The following SERPINE2 variants were observed in gnomAD, a reference collection of about 807,000 sequenced individuals.
SERPINE2 encodes the protein serpin family E member 2, also known as glia-derived nexin.
Under a neutral mutation model 36.3 loss-of-function variants are expected in SERPINE2, and 14 were observed. The observed-to-expected ratio is 0.39, with a 90% CI of 0.25 to 0.60. SERPINE2 has a LOEUF of 0.60. Ranked by LOEUF, SERPINE2 falls within the 20% of genes least tolerant of loss-of-function variation. The pLI is 0.57. For missense variants in SERPINE2, 418 were observed against 499.6 expected (o/e 0.84, Z 1.56); for synonymous variants, 192 against 191.8 (o/e 1.00, Z -0.01).
chr2:223,986,706 G>A (rs541204194), intron 4 of SERPINE2, among the ~76,000 whole-genome samples: 2 of 152,302 alleles, frequency 1.3e-5, no homozygotes, highest in South Asian at 4.1e-4. Flanking sequence ...ATAATGAAAA[G>A]TTATGAGCTG....
intron 8 of SERPINE2, among the ~76,000 whole-genome samples, chr2:223,976,705 G>A (rs970224306): frequency 6.6e-6 from 1 of 152,324 alleles, no homozygotes. Context: ...TAAGCAGTCA[G>A]CACTACTGTT....
At chr2:223,985,372 T>C (rs182799246) in intron 4 of SERPINE2, among the ~76,000 whole-genome samples, 59 of 151,714 alleles carry the variant, frequency 3.9e-4, no homozygotes, top group African/African-American at 1.3e-3. Context: ...GGGATACATA[T>C]AGATAGTAAA....
chr2:224,027,347 G>A (rs748801660), intron 1 of SERPINE2, among the ~76,000 whole-genome samples: 5 of 152,138 alleles, frequency 3.3e-5, no homozygotes, highest in Non-Finnish European at 5.9e-5. Flanking sequence ...CCCATGGCTC[G>A]CATGGGCATC....
chr2:224,033,412 C>T (rs758294858), intron 1 of SERPINE2, among the ~76,000 whole-genome samples: 3 of 151,952 alleles, frequency 2.0e-5, no homozygotes, highest in Non-Finnish European at 2.9e-5. Flanking sequence ...AATGCATTTA[C>T]GAAAAAATTT....
intron 1 of SERPINE2, among the ~76,000 whole-genome samples, chr2:224,005,098 A>ATAT (rs1559209284): frequency 3.5e-5 from 4 of 115,760 alleles, no homozygotes; most frequent in African/African-American, 1.6e-4. Context: ...TATATATATA[A>ATAT]AACATTGTAA....
rs186076365 is a variant in SERPINE2 at position 224,036,123 on chromosome 2, C to G, written c.-23+2976G>C. 9.3e-4 allele frequency among the ~76,000 whole-genome samples: 142 copies of G among 152,198 alleles called. 3 individuals are homozygous for G. In the Middle Eastern group the frequency reaches 0.037, roughly 40 times the overall value. Reference sequence around the variant, plus strand: ...GGGCACGGGTAAGCGCACCAGACTGCAGGTAACTGATTGGAACACAGGAGC... The same window carrying G: ...GGGCACGGGTAAGCGCACCAGACTGGAGGTAACTGATTGGAACACAGGAGC... On this transcript the variant is annotated intron_variant, in intron 1 of 8. Transcript: ENST00000409304.
intron 1 of SERPINE2, among the ~76,000 whole-genome samples, chr2:224,002,456 C>T (rs1427432267): frequency 6.6e-6 from 1 of 151,958 alleles, no homozygotes; most frequent in Non-Finnish European, 1.5e-5. Context: ...GTGCCAGGTC[C>T]TATACTAATC....
At chr2:224,002,658 A>AT (rs11418943) in intron 1 of SERPINE2, among the ~76,000 whole-genome samples, 33,364 of 116,476 alleles carry the variant, frequency 0.29, 5,891 homozygotes, top group African/African-American at 0.47. Context: ...TCGTCTGGCA[A>AT]TTTTTTTTTT....
intron 1 of SERPINE2, among the ~76,000 whole-genome samples, chr2:224,022,069 G>A (rs1199993308): frequency 1.4e-5 from 2 of 145,436 alleles, no homozygotes; most frequent in African/African-American, 5.0e-5. Flanking sequence ...TGAGACAGGA[G>A]AATGGCATGA....
At chr2:224,000,937 G>T (rs1691095816) in intron 2 of SERPINE2, among the ~76,000 whole-genome samples, 1 of 152,118 alleles carries the variant, frequency 6.6e-6, no homozygotes, top group Non-Finnish European at 1.5e-5. Flanking sequence ...ATCATTGATG[G>T]ACATTCGGGT....
intron 2 of SERPINE2, 105 bp downstream of exon 2, chr2:224,001,537 G>T: frequency 7.4e-7 from 1 of 1,346,854 alleles, no homozygotes; most frequent in South Asian, 1.4e-5. Context: ...ATCCCCTTCT[G>T]GCTGCTCTGC....
At chr2:224,018,996 C>T (rs545439396) in intron 1 of SERPINE2, among the ~76,000 whole-genome samples, 4 of 152,260 alleles carry the variant, frequency 2.6e-5, no homozygotes. Context: ...CATGCTCTTG[C>T]AAGAAAATTC....
chr2:224,038,137 G>A (rs1692588082), intron 1 of SERPINE2, among the ~76,000 whole-genome samples: 1 of 152,110 alleles, frequency 6.6e-6, no homozygotes, highest in African/African-American at 2.4e-5. Context: ...AATCTTCAAA[G>A]TACACAATTA....
At chr2:224,004,369 T>G (rs1222710354) in intron 1 of SERPINE2, among the ~76,000 whole-genome samples, 3 of 152,210 alleles carry the variant, frequency 2.0e-5, no homozygotes, top group Non-Finnish European at 2.9e-5. Context: ...TTCTAAAGAT[T>G]TAGAATGTTC....
At position 223,975,409 on chromosome 2, in the gene SERPINE2, G is replaced by A. The variant is rs1689967872; in HGVS notation, c.*458C>T. The stretch of plus-strand genomic sequence containing the variant: ...AATAACGCTTGCTATCAAGACTTTG[G>A]AGGGGGATGGGGGAAAAGAATTTAA... On this transcript the variant is annotated 3_prime_UTR_variant, in exon 9 of 9. Coordinates refer to ENST00000409304, the MANE Select transcript of SERPINE2 (RefSeq NM_001136528.2). 6.5e-6 allele frequency: 1 copy of A among 153,008 alleles called. No homozygotes were observed. The highest frequency in any genetic ancestry group is 2.1e-4 in the South Asian group (1 of 4,832). 9.5% of individuals were successfully genotyped at this position (153,008 alleles called of 1,614,324 possible). A position where few individuals can be genotyped will look rare whatever the true frequency, so the allele number is the denominator to read the frequency against.
chr2:223,976,942 TC>T (rs1488376142), intron 8 of SERPINE2, among the ~76,000 whole-genome samples: 1 of 152,208 alleles, frequency 6.6e-6, no homozygotes, highest in Non-Finnish European at 1.5e-5. Context: ...AGGAGCAGTT[TC>T]CCCCATACTG....
At chr2:223,992,256 A>G (rs1279205094) in intron 3 of SERPINE2, among the ~76,000 whole-genome samples, 1 of 152,176 alleles carries the variant, frequency 6.6e-6, no homozygotes, top group African/African-American at 2.4e-5. Flanking sequence ...ACTTTTCATC[A>G]AGAAATTCTT....
intron 1 of SERPINE2, among the ~76,000 whole-genome samples, chr2:224,023,179 A>G (rs12473614): frequency 0.94 from 143,848 of 152,280 alleles, 68,299 homozygotes; most frequent in Non-Finnish European, 0.99. Context: ...TGTTAAGGTG[A>G]GGAAAGTCCT....
At chr2:224,013,254 T>C (rs557099881) in intron 1 of SERPINE2, among the ~76,000 whole-genome samples, 3 of 152,316 alleles carry the variant, frequency 2.0e-5, no homozygotes, top group Non-Finnish European at 2.9e-5. Flanking sequence ...ATATCCTCCA[T>C]GAACACTGCC....
Sources: gnomAD v4.1 joint callset for allele counts (sites outside exome capture counted in the v4.1 genomes callset) on GRCh38, gnomAD v4.1.1 for gene constraint, MANE v1.5 for transcripts, NCBI Gene and HGNC (gene_info 2026-07-23, HGNC 2026-07-21) for gene names.